CBR4: variants seen among roughly 807,000 people sequenced by gnomAD.
CBR4 encodes carbonyl reductase 4.
A neutral mutation model predicts 21.0 loss-of-function variants in CBR4; 22 were observed. The ratio of observed to expected loss-of-function variants is 1.05; its 90% CI spans 0.75 to 1.50. The LOEUF (loss-of-function observed/expected upper bound fraction) is 1.50. CBR4 is among the 40% of genes most tolerant of loss of function. The pLI is 0.00. For synonymous variants in CBR4, 100 were observed against 104.4 expected (o/e 0.96, Z 0.26); for missense variants, 302 against 286.3 (o/e 1.05, Z -0.40).
chr4:168,985,162 T>A (rs1433661894), downstream of CBR4, among the ~76,000 whole-genome samples: 1 of 152,174 alleles, frequency 6.6e-6, no homozygotes. Context: ...AACAAAGGTC[T>A]AACATCCAGA....
At chr4:168,964,651 T>A (rs1020857801) in intron 2 of CBR4, among the ~76,000 whole-genome samples, 14 of 152,118 alleles carry the variant, frequency 9.2e-5, no homozygotes, top group Admixed American at 3.9e-4. Context: ...GAAATAACTC[T>A]AATGGAGGAG....
At chr4:168,954,328 A>C (rs1003826589) in intron 2 of CBR4, among the ~76,000 whole-genome samples, 1 of 152,212 alleles carries the variant, frequency 6.6e-6, no homozygotes. Context: ...TGATATTATA[A>C]AGAATACCAC....
At chr4:168,960,323 G>A (rs953140945) in intron 2 of CBR4, among the ~76,000 whole-genome samples, 5 of 152,100 alleles carry the variant, frequency 3.3e-5, no homozygotes, top group African/African-American at 1.2e-4. Context: ...TTATTTGAAA[G>A]TACCAAAACA....
intron 2 of CBR4, among the ~76,000 whole-genome samples, chr4:168,929,198 C>T (rs1038523137): frequency 6.6e-6 from 1 of 152,160 alleles, no homozygotes; most frequent in Non-Finnish European, 1.5e-5. Flanking sequence ...ATTACACACA[C>T]ACACACACCC....
intron 3 of CBR4, among the ~76,000 whole-genome samples, chr4:169,006,091 T>C: frequency 6.6e-6 from 1 of 152,230 alleles, no homozygotes; most frequent in South Asian, 2.1e-4. Flanking sequence ...CTTACATCCA[T>C]TCTTAAAAAC....
intron 4 of CBR4, among the ~76,000 whole-genome samples, chr4:168,995,003 C>T (rs1765121218): frequency 6.6e-6 from 1 of 152,102 alleles, no homozygotes; most frequent in Non-Finnish European, 1.5e-5. Flanking sequence ...ATCAGCCTGC[C>T]TTGGTCTCCC....
intron 2 of CBR4, among the ~76,000 whole-genome samples, chr4:168,955,763 C>A (rs1310772021): frequency 2.0e-5 from 3 of 152,084 alleles, no homozygotes; most frequent in Non-Finnish European, 2.9e-5. Flanking sequence ...GTCAAGAGAC[C>A]GGTCAGGACA....
chr4:168,986,117 C>T (rs1158328736), downstream of CBR4, among the ~76,000 whole-genome samples: 2 of 151,484 alleles, frequency 1.3e-5, no homozygotes, highest in African/African-American at 2.4e-5. Context: ...AAAATAAGAA[C>T]AATTAAAAAT....
chr4:168,992,795 GA>G (rs1480056908), intron 4 of CBR4, among the ~76,000 whole-genome samples: 1 of 151,964 alleles, frequency 6.6e-6, no homozygotes, highest in African/African-American at 2.4e-5. Context: ...TTTGTATTCA[GA>G]TAAAAAGTTG....
At chr4:168,895,412 G>A (rs886813842) in intron 2 of CBR4, among the ~76,000 whole-genome samples, 1 of 152,098 alleles carries the variant, frequency 6.6e-6, no homozygotes, top group Non-Finnish European at 1.5e-5. Context: ...ACACATATAC[G>A]ACTTTTGACT....
intron 2 of CBR4, among the ~76,000 whole-genome samples, chr4:168,932,022 A>C (rs1303606673): frequency 6.6e-5 from 10 of 152,218 alleles, no homozygotes; most frequent in Non-Finnish European, 1.5e-4. Context: ...ATCAAGGAAC[A>C]TATCAAACAT....
At chr4:168,995,089 T>C (rs1025014177) in intron 4 of CBR4, among the ~76,000 whole-genome samples, 8 of 152,126 alleles carry the variant, frequency 5.3e-5, no homozygotes, top group Non-Finnish European at 1.0e-4. Flanking sequence ...ACACTACGAT[T>C]CAAAGATTAA....
intron 2 of CBR4, chr4:168,915,836 A>G: frequency 7.3e-7 from 1 of 1,361,466 alleles, no homozygotes; most frequent in Non-Finnish European, 1.1e-6. Context: ...AGATGACTAA[A>G]AGTCTGGAAG....
chr4:168,902,286 G>T (rs1314973127), intron 2 of CBR4, among the ~76,000 whole-genome samples: 1 of 151,188 alleles, frequency 6.6e-6, no homozygotes, highest in East Asian at 1.9e-4. Context: ...ACTTTTGGCT[G>T]CAAGGAACAA....
chr4:168,904,324 T>C (rs1582045681), intron 2 of CBR4: 1 of 180,984 alleles, frequency 5.5e-6, no homozygotes, highest in East Asian at 1.2e-4. Context: ...CAAAGTAAAA[T>C]ATTTTAAAAG....
intron 4 of CBR4, among the ~76,000 whole-genome samples, chr4:168,993,624 G>T (rs1765032665): frequency 6.6e-6 from 1 of 152,172 alleles, no homozygotes. Flanking sequence ...AAAAGTTCAT[G>T]TTATCTTCTC....
intron 2 of CBR4, among the ~76,000 whole-genome samples, chr4:168,911,895 G>A (rs1388670255): frequency 6.6e-6 from 1 of 152,042 alleles, no homozygotes; most frequent in African/African-American, 2.4e-5. Flanking sequence ...CATATGTAGT[G>A]GTATAAAACT....
chr4:168,949,784 A>G (rs1763488324), intron 2 of CBR4, among the ~76,000 whole-genome samples: 2 of 152,022 alleles, frequency 1.3e-5, no homozygotes, highest in Non-Finnish European at 2.9e-5. Context: ...TACCATTTTA[A>G]TCTCGCTGCT....
At chr4:168,976,671 C>T (rs1427481748) in intron 2 of CBR4, among the ~76,000 whole-genome samples, 4 of 151,748 alleles carry the variant, frequency 2.6e-5, no homozygotes, top group African/African-American at 9.7e-5. Flanking sequence ...AGCATCTTCT[C>T]AAAGGTGTGG....
Sources: allele counts gnomAD v4.1 joint callset (sites outside exome capture counted in the v4.1 genomes callset), GRCh38; gene constraint gnomAD v4.1.1; transcripts MANE v1.5; gene names NCBI Gene and HGNC (gene_info 2026-07-23, HGNC 2026-07-21).